The following MTHFD1 variants were observed in gnomAD, a reference collection of about 807,000 sequenced individuals.
MTHFD1 encodes methylenetetrahydrofolate dehydrogenase, cyclohydrolase and formyltetrahydrofolate synthetase 1.
Under a neutral mutation model 110.3 loss-of-function variants are expected in MTHFD1, and 44 were observed. The ratio of observed to expected loss-of-function variants is 0.40; its 90% CI spans 0.31 to 0.51. The LOEUF is 0.51. MTHFD1 is among the 20% of genes least tolerant of loss of function. The pLI is 0.60. For missense variants in MTHFD1, 909 were observed against 1,173.1 expected (o/e 0.77, Z 3.29); for synonymous variants, 402 against 428.8 (o/e 0.94, Z 0.77).
chr14:64,434,212 C>T (rs2078185769), intron 15 of MTHFD1, among the ~76,000 whole-genome samples: 1 of 152,038 alleles, frequency 6.6e-6, no homozygotes, highest in Non-Finnish European at 1.5e-5. Flanking sequence ...TTGTCAGACC[C>T]AGAAAAAACA....
chr14:64,433,604 CG>C (rs1160629567), intron 15 of MTHFD1, among the ~76,000 whole-genome samples: 1 of 151,518 alleles, frequency 6.6e-6, no homozygotes, highest in East Asian at 1.9e-4. Context: ...GTGTAGAGAC[CG>C]GGTTTTGCCG....
intron 8 of MTHFD1, among the ~76,000 whole-genome samples, chr14:64,420,269 C>G (rs889791449): frequency 1.3e-5 from 2 of 152,120 alleles, no homozygotes; most frequent in African/African-American, 4.8e-5. Context: ...ATTTAAAATA[C>G]AGTATAATTA....
chr14:64,421,715 G>C (rs551310351), intron 8 of MTHFD1, among the ~76,000 whole-genome samples: 222 of 151,208 alleles, frequency 1.5e-3, no homozygotes, highest in Non-Finnish European at 2.2e-3. Context: ...GCTCCGCCTT[G>C]CGGGTTCATG....
intron 1 of MTHFD1, among the ~76,000 whole-genome samples, chr14:64,391,813 TACTC>T (rs1209061371): frequency 6.6e-6 from 1 of 152,226 alleles, no homozygotes; most frequent in Non-Finnish European, 1.5e-5. Context: ...TTTATTCACT[TACTC>T]AACAAGTAGC....
chr14:64,458,498 C>A, intron 27 of MTHFD1, 191 bp downstream of exon 27: 2 of 621,418 alleles, frequency 3.2e-6, no homozygotes, highest in South Asian at 3.8e-5. Flanking sequence ...ATTTATATTT[C>A]AACACATTTT....
chr14:64,400,914 G>C, intron 2 of MTHFD1, 37 bp downstream of exon 2: 1 of 1,458,734 alleles, frequency 6.9e-7, no homozygotes. Context: ...TGTTGTCTTT[G>C]CTTGATTTCT....
intron 26 of MTHFD1, among the ~76,000 whole-genome samples, chr14:64,455,606 G>A (rs760933056): frequency 6.6e-6 from 1 of 152,148 alleles, no homozygotes; most frequent in Non-Finnish European, 1.5e-5. Context: ...AGATTGTACT[G>A]CCATGCAATA....
At chr14:64,396,350 C>A (rs190391574) in intron 1 of MTHFD1, among the ~76,000 whole-genome samples, 2 of 149,240 alleles carry the variant, frequency 1.3e-5, no homozygotes, top group East Asian at 2.0e-4. Flanking sequence ...ATTATTTTTA[C>A]AAGGAACTAC....
chr14:64,455,037 G>C lies in MTHFD1; in HGVS notation c.2718+162G>C, dbSNP rs1160325186. 11 of 734,892 alleles carry C rather than the reference G, an allele frequency of 1.5e-5. No individual in the cohort carries two copies. The East Asian group carries it at 2.9e-4, about 19-fold the overall frequency. The allele number at this position is 734,892 out of a possible 1,614,324, so 45.5% of individuals were successfully genotyped here. Reference sequence around the variant, plus strand: ...GCTGTGGATCATAAGCTATAAAGCAGGAGCTATATAGCTCTTGCTGTGGAC... The same window carrying C: ...GCTGTGGATCATAAGCTATAAAGCACGAGCTATATAGCTCTTGCTGTGGAC... On this transcript the variant is annotated intron_variant, in intron 26 of 27. Coordinates refer to ENST00000652337, the MANE Select transcript of MTHFD1 (RefSeq NM_005956.4).
intron 24 of MTHFD1, among the ~76,000 whole-genome samples, chr14:64,450,961 A>C (rs948833972): frequency 1.3e-5 from 2 of 152,148 alleles, no homozygotes; most frequent in East Asian, 3.9e-4. Context: ...TAAGGTCAAG[A>C]GTTGGAGACC....
chr14:64,419,740 C>CT, intron 7 of MTHFD1, 74 bp from the exon 8 acceptor site: 2 of 973,342 alleles, frequency 2.1e-6, no homozygotes, highest in Non-Finnish European at 3.3e-6. Context: ...CAGGGATATC[C>CT]TTTTCATTTC....
rs903926142 is a variant in MTHFD1 at position 64,445,150 on chromosome 14, C to T, written c.2178+416C>T. On this transcript the variant is annotated intron_variant, in intron 22 of 27. Transcript: ENST00000652337. ...CTACAACATTATCCAGCTCAAATGT[C>T]GGAGTGTGAGGCTGAGAAACCCTGT... 5.4e-5 allele frequency: 15 copies of T among 276,616 alleles called. No homozygotes were observed. The East Asian group carries it at 7.4e-4, about 14-fold the overall frequency. 17.1% of individuals were successfully genotyped at this position (276,616 alleles called of 1,614,324 possible).
rs563926721 is a variant in MTHFD1 at position 64,436,393 on chromosome 14, C to T, written c.1597+722C>T. Among the ~76,000 whole-genome samples the T allele has an allele frequency of 3.3e-5, 5 of 152,318 alleles. No homozygotes were observed. In the South Asian group the frequency reaches 1.0e-3, roughly 32 times the overall value. ...ACAGGCATGAGCCACCGCACCCGGC[C>T]TACCTAATCATTTTTTTACCTCATT... On this transcript the variant is annotated intron_variant, in intron 16 of 27. Transcript: ENST00000652337.
chr14:64,413,138 G>C (rs1327205963), intron 4 of MTHFD1, among the ~76,000 whole-genome samples: 1 of 151,576 alleles, frequency 6.6e-6, no homozygotes. Flanking sequence ...GATCACCTGA[G>C]GTCGGGAGTT....
At chr14:64,423,791 A>G (rs1338027621) in intron 8 of MTHFD1, among the ~76,000 whole-genome samples, 3 of 148,976 alleles carry the variant, frequency 2.0e-5, no homozygotes, top group South Asian at 4.3e-4. Context: ...CAGTGACGCA[A>G]TCTCCGCTCA....
chr14:64,407,546 CTT>C (rs1215785833), intron 2 of MTHFD1, among the ~76,000 whole-genome samples: 2 of 52,018 alleles, frequency 3.8e-5, no homozygotes, highest in Admixed American at 4.6e-4. Context: ...CACTCTCTCT[CTT>C]TTTTTTTTTT....
At chr14:64,393,570 A>C (rs1257969124) in intron 1 of MTHFD1, among the ~76,000 whole-genome samples, 2 of 152,214 alleles carry the variant, frequency 1.3e-5, no homozygotes, top group South Asian at 4.1e-4. Flanking sequence ...GACCCCAGCC[A>C]GGCTGTTGGG....
chr14:64,441,545 A>G lies in MTHFD1; in HGVS notation c.1884+92A>G, dbSNP rs376507122. ...ACACTTGCAAGGCGCGGTGGCTCACACCTGTAATCCCAGCACTTTGGGAGG... is the reference window on the plus strand; with the variant it reads ...ACACTTGCAAGGCGCGGTGGCTCACGCCTGTAATCCCAGCACTTTGGGAGG... On this transcript the variant is annotated intron_variant, in intron 19 of 27. Coordinates refer to ENST00000652337, the MANE Select transcript of MTHFD1 (RefSeq NM_005956.4). The G allele has an allele frequency of 3.2e-4, 386 of 1,192,096 alleles. 1 individual carries two copies. Among genetic ancestry groups the G allele is most frequent in the Middle Eastern group, 9.7e-4 (4 of 4,116 alleles). 73.8% of individuals were successfully genotyped at this position (1,192,096 alleles called of 1,614,324 possible).
intron 22 of MTHFD1, among the ~76,000 whole-genome samples, chr14:64,445,682 G>C (rs1212968372): frequency 6.6e-6 from 1 of 152,110 alleles, no homozygotes; most frequent in Non-Finnish European, 1.5e-5. Context: ...GCCTTTTATG[G>C]TCATTTGTCT....
Sources: allele counts gnomAD v4.1 joint callset (sites outside exome capture counted in the v4.1 genomes callset), GRCh38; gene constraint gnomAD v4.1.1; transcripts MANE v1.5; gene names NCBI Gene and HGNC (gene_info 2026-07-23, HGNC 2026-07-21).